DROSHA: variants seen among roughly 807,000 people sequenced by gnomAD.
DROSHA encodes the protein drosha ribonuclease III, also known as ribonuclease 3.
Under a neutral mutation model 181.9 loss-of-function variants are expected in DROSHA, and 56 were observed. The ratio of observed to expected loss-of-function variants is 0.31; its 90% confidence interval spans 0.25 to 0.38. DROSHA has a LOEUF of 0.38. Among genes scored for constraint, DROSHA ranks in the 10% least tolerant of loss-of-function variants. The pLI, the probability that DROSHA is intolerant of heterozygous loss-of-function variation, is 1.00. For synonymous variants in DROSHA, 524 were observed against 591.2 expected, an observed-to-expected ratio of 0.89 and a Z score of 1.65; for missense variants, 1,218 against 1,743.5, an observed-to-expected ratio of 0.70 and a Z score of 5.37.
At position 31,437,312 on chromosome 5, in the gene DROSHA, T is replaced by G. The variant is rs1039673011; in HGVS notation, c.2883-14A>C. ...TTGTGGTTAATCCTACAATAGGAAT[T>G]AAAAAGGTTACTTAATACAGCATAT... On this transcript the variant is annotated splice_polypyrimidine_tract_variant and intron_variant, in intron 23 of 35. Transcript: ENST00000344624. 2 of 1,559,022 alleles carry G rather than the reference T, an allele frequency of 1.3e-6. No individual in the cohort carries two copies. Among genetic ancestry groups the G allele is most frequent in the Admixed American group, 3.8e-5 (2 of 52,354 alleles).
At chr5:31,430,951 A>G (rs182381875) in intron 26 of DROSHA, among the ~76,000 whole-genome samples, 1 of 152,322 alleles carries the variant, frequency 6.6e-6, no homozygotes, top group African/African-American at 2.4e-5. Flanking sequence ...TGTAAAGCAT[A>G]CAAACTTGCA....
chr5:31,508,144 C>A (rs1738208154), intron 10 of DROSHA, among the ~76,000 whole-genome samples: 1 of 151,988 alleles, frequency 6.6e-6, no homozygotes, highest in Non-Finnish European at 1.5e-5. Flanking sequence ...CATATTAAGA[C>A]AGTAATTAAA....
chr5:31,504,386 C>G (rs1478798852), intron 11 of DROSHA, among the ~76,000 whole-genome samples, 169 bp downstream of exon 11: 1 of 152,134 alleles, frequency 6.6e-6, no homozygotes, highest in African/African-American at 2.4e-5. Context: ...TTCCCCACTG[C>G]GCTCCCAAAA....
In DROSHA at chr5:31,472,186, C is replaced by T. The variant is rs777013818; in HGVS notation, c.2118G>A (p.Leu706=). Residue 706 remains leucine, a synonymous_variant, in exon 17 of 36, where the codon TTG becomes TTA. Coordinates refer to ENST00000344624, the MANE Select transcript of DROSHA (RefSeq NM_001382508.1). ...VLSMHQILLY[L]LRCSKALVPE... is the part of the protein sequence containing the mutation. ...GCACCAGGGCTTTGCTGCACCTTAACAAGTACAGGAGAATCTGGTGCATGG... is the reference window on the plus strand; with the variant it reads ...GCACCAGGGCTTTGCTGCACCTTAATAAGTACAGGAGAATCTGGTGCATGG... The T allele has an allele frequency of 5.0e-6, 8 of 1,613,836 alleles. No homozygotes were observed. The highest frequency in any genetic ancestry group is 5.9e-6 in the Non-Finnish European group (7 of 1,179,836).
rs1391439226 is a variant in DROSHA at position 31,521,046 on chromosome 5, G to A, written c.947+77C>T. On this transcript the variant is annotated intron_variant, in intron 6 of 35. Coordinates refer to ENST00000344624, the MANE Select transcript of DROSHA (RefSeq NM_001382508.1). ...CTGAGGCCATTATGAAGACTTGGCT[G>A]TTGCTCCATACAAGCACAAAATCTG... 2.8e-6 allele frequency: 4 copies of A among 1,437,314 alleles called. No homozygotes were observed. The African/African-American group carries it at 5.6e-5, about 20-fold the overall frequency. The allele number at this position is 1,437,314 out of a possible 1,614,324, so 89.0% of individuals were successfully genotyped here.
At position 31,495,202 on chromosome 5, in the gene DROSHA, G is replaced by A; in HGVS notation, c.1755+84C>T. ...TATTTTTCAAAGTAAGAACATTTGA[G>A]AACAGAATCAATAACTTTAGCCTAT... On this transcript the variant is annotated intron_variant, in intron 12 of 35. Transcript: ENST00000344624. 2.1e-6 allele frequency: 3 copies of A among 1,400,660 alleles called. 1 individual carries two copies. The highest frequency in any genetic ancestry group is 2.9e-5 in the African/African-American group (2 of 69,780). 86.8% of individuals were successfully genotyped at this position (1,400,660 alleles called of 1,614,324 possible).
At chr5:31,434,790 T>C (rs1410310367) in intron 25 of DROSHA, among the ~76,000 whole-genome samples, 2 of 152,216 alleles carry the variant, frequency 1.3e-5, no homozygotes, top group Non-Finnish European at 2.9e-5. Flanking sequence ...GGATCCTCAG[T>C]GCTTGGGGAT....
At chr5:31,429,337 T>G (rs1743858989) in intron 27 of DROSHA, 138 bp downstream of exon 27, 1 of 653,462 alleles carries the variant, frequency 1.5e-6, no homozygotes, top group East Asian at 3.2e-5. Context: ...GCCATTTTGG[T>G]GTATTGAAAT....
Position 31,401,378 on chromosome 5 carries a change from G to T in DROSHA, c.*54C>A. On this transcript the variant is annotated 3_prime_UTR_variant, in exon 36 of 36. Coordinates refer to ENST00000344624, the MANE Select transcript of DROSHA (RefSeq NM_001382508.1). ...AGGAAAACTAGGCTAGGTCTCAATA[G>T]ACAACAGTCACAGTTACTGAGCAAG... 6.3e-7 allele frequency: 1 copy of T among 1,596,554 alleles called. No individual in the cohort carries two copies. Among genetic ancestry groups the T allele is most frequent in the South Asian group, 1.1e-5 (1 of 90,766 alleles).
chr5:31,528,275 CCA>C (rs1740830730), intron 4 of DROSHA, among the ~76,000 whole-genome samples: 1 of 152,110 alleles, frequency 6.6e-6, no homozygotes. Context: ...AGCTCCAGAC[CCA>C]CACTGCCAAT....
chr5:31,488,208 G>C (rs1752004975), intron 13 of DROSHA, among the ~76,000 whole-genome samples: 1 of 144,558 alleles, frequency 6.9e-6, no homozygotes, highest in Admixed American at 6.7e-5. Context: ...ACTGAGTTCA[G>C]GAGTTCAAGA....
At chr5:31,424,285 C>CTGTTCCA (rs1293617298) in intron 28 of DROSHA, 142 bp downstream of exon 28, 2 of 1,051,532 alleles carry the variant, frequency 1.9e-6, no homozygotes, top group Non-Finnish European at 2.8e-6. Flanking sequence ...CAAAGTTTTC[C>CTGTTCCA]AGGTCTGACA....
At chr5:31,468,815 T>C (rs943888424) in intron 17 of DROSHA, among the ~76,000 whole-genome samples, 2 of 152,222 alleles carry the variant, frequency 1.3e-5, no homozygotes, top group African/African-American at 2.4e-5. Flanking sequence ...TAGCACACTG[T>C]AGAGTCTGCG....
rs555304638 is a variant in DROSHA at position 31,505,865 on chromosome 5, A to G, written c.1588-1230T>C. The G allele has an allele frequency of 2.0e-5, 3 of 152,332 alleles. No individual in the cohort carries two copies. In the East Asian group the frequency reaches 5.8e-4, roughly 29 times the overall value. The allele number at this position is 152,332 out of a possible 1,614,324, so 9.4% of individuals were successfully genotyped here. A position where few individuals can be genotyped will look rare whatever the true frequency, so the allele number is the denominator to read the frequency against. Reference sequence around the variant, plus strand: ...TGGAGATTTATAACTCATTATGTCCAATTAAAATATAAAAGTCAATAAGAC... The same window carrying G: ...TGGAGATTTATAACTCATTATGTCCGATTAAAATATAAAAGTCAATAAGAC... On this transcript the variant is annotated intron_variant, in intron 10 of 35. Transcript: ENST00000344624.
At position 31,422,940 on chromosome 5, in the gene DROSHA, T is replaced by G. The variant is rs1212138803; in HGVS notation, c.3266A>C (p.Gln1089Pro). The change falls in exon 29 of 36, where the codon CAA becomes CCA. Residue 1089 changes from glutamine (Q) to proline (P), a missense_variant. Gln to Pro is a moderately conservative substitution (Grantham distance 76). Around this residue, in one of 8 missense-constraint regions of DROSHA, gnomAD observed 71 missense variants for 95.2 expected, o/e 0.75. Coordinates refer to ENST00000344624, the MANE Select transcript of DROSHA (RefSeq NM_001382508.1). Reference protein sequence around the residue: ...LNYPLHPLQLQEPNTDRQLIE... With the variant: ...LNYPLHPLQLPEPNTDRQLIE... ...AAGTTGTCGATCAGTATTTGGCTCT[T>G]GTAGCTACAGGAAAATAGAAATAAA... is the stretch of plus-strand genomic sequence containing the variant. The G allele has an allele frequency of 6.4e-7, 1 of 1,570,634 alleles. No individual in the cohort carries two copies. Among genetic ancestry groups the G allele is most frequent in the Admixed American group, 2.0e-5 (1 of 48,868 alleles).
At chr5:31,415,698 G>T (rs1385618062) in intron 30 of DROSHA, among the ~76,000 whole-genome samples, 1 of 152,152 alleles carries the variant, frequency 6.6e-6, no homozygotes. Flanking sequence ...ACAGTGCCTT[G>T]AACACAGCAG....
rs1267043247 is a variant in DROSHA at position 31,449,297 on chromosome 5, C to A, written c.2805G>T (p.Met935Ile). The A allele has an allele frequency of 6.2e-7, 1 of 1,613,834 alleles. No individual in the cohort carries two copies. The stretch of plus-strand genomic sequence containing the variant: ...CAGACATACCTTTCTTCCGCATGTG[C>A]ATGTGATGAACTTTTCTGTCTCCGT... The part of the protein sequence containing the change: ...PKYGDRKVHH[M>I]HMRKKGINTL... Residue 935 changes from methionine (M) to isoleucine (I), a missense_variant, in exon 22 of 36, where the codon ATG becomes ATT. Coordinates refer to ENST00000344624, the MANE Select transcript of DROSHA (RefSeq NM_001382508.1).
intron 35 of DROSHA, among the ~76,000 whole-genome samples, chr5:31,402,055 A>T (rs901430097): frequency 6.6e-6 from 1 of 152,252 alleles, no homozygotes; most frequent in Non-Finnish European, 1.5e-5. Flanking sequence ...CAGGTGGACA[A>T]AAAGGGGCCA....
At chr5:31,499,922 G>C (rs1753392642) in intron 11 of DROSHA, among the ~76,000 whole-genome samples, 1 of 152,198 alleles carries the variant, frequency 6.6e-6, no homozygotes, top group Non-Finnish European at 1.5e-5. Context: ...ACAGTGGGAG[G>C]TCACAGCAAG....
Sources: gnomAD v4.1 joint callset for allele counts (sites outside exome capture counted in the v4.1 genomes callset) on GRCh38, gnomAD v4.1.1 for gene constraint, gnomAD v4.1.1 regional missense constraint, MANE v1.5 for transcripts, NCBI Gene and HGNC (gene_info 2026-07-23, HGNC 2026-07-21) for gene names.